Variants in KIFC3 observed in about 807,000 individuals in gnomAD.
KIFC3 encodes kinesin family member C3.
A neutral mutation model predicts 101.8 loss-of-function variants in KIFC3; 60 were observed. The ratio of observed to expected loss-of-function variants is 0.59; its 90% CI spans 0.48 to 0.73. KIFC3 has a LOEUF of 0.73. Ranked by LOEUF, KIFC3 falls within the 30% of genes least tolerant of loss-of-function variation. The probability of loss-of-function intolerance (pLI) is 0.00; values close to 1 mark genes in which losing one functional copy is unlikely to be tolerated. For synonymous variants in KIFC3, 476 were observed against 482.7 expected (o/e 0.99, Z 0.18); for missense variants, 966 against 1,137.1 (o/e 0.85, Z 2.16).
chr16:57,796,818 AT>A (rs1303324242), intron 2 of KIFC3, among the ~76,000 whole-genome samples: 1 of 152,110 alleles, frequency 6.6e-6, no homozygotes, highest in Non-Finnish European at 1.5e-5. Flanking sequence ...TGTGATTTTT[AT>A]TTCCTTTTTG....
intron 1 of KIFC3, among the ~76,000 whole-genome samples, chr16:57,799,026 C>CA (rs1444230874): frequency 1.3e-5 from 2 of 152,042 alleles, no homozygotes; most frequent in African/African-American, 2.4e-5. Flanking sequence ...ATAAACACTT[C>CA]AAAAAAACCC....
At chr16:57,812,528 C>T (rs1234533015) in intron 1 of KIFC3, among the ~76,000 whole-genome samples, 8 of 152,070 alleles carry the variant, frequency 5.3e-5, no homozygotes, top group Non-Finnish European at 7.4e-5. Context: ...AGCTGCTGAC[C>T]GAGTGTGATG....
chr16:57,786,916 T>G (rs2053389166), intron 3 of KIFC3, among the ~76,000 whole-genome samples: 1 of 152,164 alleles, frequency 6.6e-6, no homozygotes, highest in African/African-American at 2.4e-5. Flanking sequence ...CAACCCGCTC[T>G]AGGAGAGCAG....
At chr16:57,764,810 G>T (rs559743831) in intron 11 of KIFC3, among the ~76,000 whole-genome samples, 125 of 151,234 alleles carry the variant, frequency 8.3e-4, no homozygotes, top group African/African-American at 2.9e-3. Context: ...GATGGATGGG[G>T]CCATGTGGGT....
intron 1 of KIFC3, among the ~76,000 whole-genome samples, chr16:57,818,029 T>C (rs1432397013): frequency 6.6e-6 from 1 of 150,768 alleles, no homozygotes; most frequent in Non-Finnish European, 1.5e-5. Context: ...TTTTTTTTTT[T>C]GTTCTTTTCT....
chr16:57,848,349 A>C (rs768965195), intron 1 of KIFC3, among the ~76,000 whole-genome samples: 2 of 152,216 alleles, frequency 1.3e-5, no homozygotes, highest in Non-Finnish European at 2.9e-5. Context: ...AGATGCCAGC[A>C]TGGAGGCCCC....
At position 57,758,276 on chromosome 16, in the gene KIFC3, T is replaced by TTAAA. The variant is rs2049375328; in HGVS notation, c.*654_*657dup. 4.2e-6 allele frequency: 1 copy of TTAAA among 239,856 alleles called. No homozygotes were observed. The allele number at this position is 239,856 out of a possible 1,614,324, so 14.9% of individuals were successfully genotyped here. On this transcript the variant is annotated 3_prime_UTR_variant, in exon 20 of 20. Transcript: ENST00000445690. ...AAAATGGCTAAGCTTCCAAAAGTTC[T>TTAAA]TAAATAGGATTTCAGAGGGAAGAAA... is the stretch of plus-strand genomic sequence containing the variant.
intron 1 of KIFC3, among the ~76,000 whole-genome samples, chr16:57,835,410 A>G (rs2055666295): frequency 6.6e-6 from 1 of 152,226 alleles, no homozygotes; most frequent in Non-Finnish European, 1.5e-5. Flanking sequence ...TTAAAGCACT[A>G]TGATAATTTG....
intron 3 of KIFC3, among the ~76,000 whole-genome samples, chr16:57,789,915 T>G (rs1244581445): frequency 1.3e-5 from 2 of 151,770 alleles, no homozygotes; most frequent in African/African-American, 4.8e-5. Flanking sequence ...TTTTGTATTT[T>G]TAATAGAGAC....
chr16:57,842,239 T>C (rs77437028), intron 1 of KIFC3, among the ~76,000 whole-genome samples: 13 of 152,202 alleles, frequency 8.5e-5, no homozygotes, highest in Admixed American at 8.5e-4. Context: ...TTCTTAGCGC[T>C]GTCTGAAATG....
In KIFC3 at chr16:57,766,882, C is replaced by T. The variant is rs782656825; in HGVS notation, c.1322G>A (p.Arg441Gln). The T allele has an allele frequency of 1.4e-5, 23 of 1,608,418 alleles. No homozygotes were observed. The highest frequency in any genetic ancestry group is 8.8e-5 in the South Asian group (8 of 91,052). ...LRKKCHNELV[R>Q]LKGNIRVIAR... ...AGCCCTCCTGCAGTCACCTTTCAGC[C>T]GCACGAGCTCATTGTGGCACTTCTT... Residue 441 changes from arginine to glutamine, a missense_variant, in exon 10 of 20, where the codon CGG becomes CAG. Physicochemically the swap from Arg to Gln is conservative, Grantham distance 43. This residue lies in a region of KIFC3 where 689 missense variants were observed against 884.6 expected (regional missense o/e 0.78). Transcript: ENST00000445690.
chr16:57,792,669 G>T (rs1042155872), intron 3 of KIFC3, among the ~76,000 whole-genome samples: 2 of 151,680 alleles, frequency 1.3e-5, no homozygotes, highest in Non-Finnish European at 2.9e-5. Context: ...CCAAGGCAGA[G>T]CCCACAAGTT....
At chr16:57,784,854 T>C (rs1555616728) in intron 3 of KIFC3, among the ~76,000 whole-genome samples, 1 of 151,906 alleles carries the variant, frequency 6.6e-6, no homozygotes, top group Non-Finnish European at 1.5e-5. Context: ...GTCAGCCCCA[T>C]GGGACGTGCA....
At chr16:57,788,297 T>C (rs2053536567) in intron 3 of KIFC3, among the ~76,000 whole-genome samples, 1 of 152,174 alleles carries the variant, frequency 6.6e-6, no homozygotes, top group South Asian at 2.1e-4. Flanking sequence ...GCAGGGAAAT[T>C]CAACCCCAGC....
intron 1 of KIFC3, among the ~76,000 whole-genome samples, chr16:57,842,348 G>A (rs563111208): frequency 1.3e-5 from 2 of 152,314 alleles, no homozygotes; most frequent in South Asian, 2.1e-4. Flanking sequence ...TGTCTGGAAC[G>A]GTATGGAGTG....
intron 1 of KIFC3, among the ~76,000 whole-genome samples, chr16:57,801,570 G>C (rs1427671319): frequency 6.6e-6 from 1 of 152,218 alleles, no homozygotes; most frequent in East Asian, 1.9e-4. Context: ...GGGAAAGAAT[G>C]GGTGCTCACC....
At chr16:57,786,443 A>G (rs377455726) in intron 3 of KIFC3, among the ~76,000 whole-genome samples, 1 of 152,114 alleles carries the variant, frequency 6.6e-6, no homozygotes, top group African/African-American at 2.4e-5. Context: ...TGCTTGTTAC[A>G]GCTTGCTTCC....
At chr16:57,772,184 CA>C in intron 4 of KIFC3, 38 bp downstream of exon 4, 1 of 1,588,024 alleles carries the variant, frequency 6.3e-7, no homozygotes, top group Non-Finnish European at 8.6e-7. Flanking sequence ...CAAGGCAGGC[CA>C]GGCCCTGCGC....
In KIFC3 at chr16:57,795,161, T is replaced by G; in HGVS notation, c.173-20A>C. 6.2e-7 allele frequency: 1 copy of G among 1,602,436 alleles called. No homozygotes were observed. Among genetic ancestry groups the G allele is most frequent in the Non-Finnish European group, 8.5e-7 (1 of 1,175,558 alleles). On this transcript the variant is annotated intron_variant, in intron 2 of 19. Transcript: ENST00000445690. ...CACGCCCTGTCCCAGGACAGAGAGA[T>G]AGGTGAGACACTCCGACCACTGGCC... is the stretch of plus-strand genomic sequence containing the variant.
Sources: gnomAD v4.1 joint callset for allele counts (sites outside exome capture counted in the v4.1 genomes callset) on GRCh38, gnomAD v4.1.1 for gene constraint, gnomAD v4.1.1 regional missense constraint, MANE v1.5 for transcripts, NCBI Gene and HGNC (gene_info 2026-07-23, HGNC 2026-07-21) for gene names.